The following AGAP2 variants were observed in gnomAD, a reference collection of about 807,000 sequenced individuals.
AGAP2 encodes the protein arf-GAP with GTPase, ANK repeat and PH domain-containing protein 2.
In AGAP2, 32 loss-of-function variants were observed where a neutral mutation model predicts 110.9. That is an observed-to-expected ratio of 0.29 (90% confidence interval 0.22 to 0.39). The LOEUF (loss-of-function observed/expected upper bound fraction) is 0.39. Ranked by LOEUF, AGAP2 falls within the 10% of genes least tolerant of loss-of-function variation. The pLI is 1.00. For missense variants in AGAP2, 1,285 were observed against 1,638.5 expected (o/e 0.78, Z 3.72); for synonymous variants, 702 against 713.0 (o/e 0.98, Z 0.25).
chr12:57,728,237 G>C (rs373370235), intron 14 of AGAP2, 81 bp downstream of exon 14: 1 of 1,548,628 alleles, frequency 6.5e-7, no homozygotes, highest in Admixed American at 1.8e-5. Context: ...CAGGAAGCCC[G>C]AGCACATGCA....
In AGAP2 at chr12:57,732,880, G is replaced by C; in HGVS notation, c.1649C>G (p.Thr550Ser). 1 of 1,614,032 alleles carries C rather than the reference G, an allele frequency of 6.2e-7. No individual in the cohort carries two copies. The highest frequency in any genetic ancestry group is 8.5e-7 in the Non-Finnish European group (1 of 1,180,036). Reference sequence around the variant, plus strand: ...GACCCGATCCACATTGAGCCCATAGGTTGCACAAGTCTCATAGTAGCTGCA... The same window carrying C: ...GACCCGATCCACATTGAGCCCATAGCTTGCACAAGTCTCATAGTAGCTGCA... ...KRCSYYETCA[T>S]YGLNVDRVFQ... Residue 550 changes from threonine to serine, a missense_variant, in exon 6 of 19, where the codon ACC (threonine) becomes AGC (serine). Coordinates refer to ENST00000547588, the MANE Select transcript of AGAP2 (RefSeq NM_001122772.3).
At chr12:57,741,961 G>A (rs140678266), upstream of AGAP2, 74 of 1,614,000 alleles carry the variant, frequency 4.6e-5, no homozygotes, top group Middle Eastern at 1.6e-4. Flanking sequence ...GTTCGGGGTC[G>A]TCCACCCTCT....
chr12:57,738,261 C>T lies in AGAP2; in HGVS notation c.-15G>A, dbSNP rs1955029693. 3 of 1,500,670 alleles carry T rather than the reference C, an allele frequency of 2.0e-6. No homozygotes were observed. The highest frequency in any genetic ancestry group is 2.7e-6 in the Non-Finnish European group (3 of 1,129,960). The allele number at this position is 1,500,670 out of a possible 1,614,324, so 93.0% of individuals were successfully genotyped here. The stretch of plus-strand genomic sequence containing the variant: ...CCCCGGCTCATGGGGCCCGGAGACC[C>T]CCGAGCTGGGGAGGGGAGGGGACTC... On this transcript the variant is annotated 5_prime_UTR_variant, in exon 1 of 19. Transcript: ENST00000547588. The surrounding 1 kb of genome is among the most constrained non-coding windows in gnomAD (Gnocchi z 6.7).
chr12:57,727,787 G>C lies in AGAP2; in HGVS notation c.2767-16C>G. On this transcript the variant is annotated splice_polypyrimidine_tract_variant and intron_variant, in intron 15 of 18. Coordinates refer to ENST00000547588, the MANE Select transcript of AGAP2 (RefSeq NM_001122772.3). ...CTGTGCGCAGCTGCAGAGAGGGTTT[G>C]GGTTGGCACTGACTCTGCCTCCAAG... is the stretch of plus-strand genomic sequence containing the variant. 6.3e-7 allele frequency: 1 copy of C among 1,574,842 alleles called. No individual in the cohort carries two copies. The highest frequency in any genetic ancestry group is 1.2e-5 in the South Asian group (1 of 83,850).
chr12:57,728,789 G>A (rs1445528226), intron 13 of AGAP2, among the ~76,000 whole-genome samples: 1 of 152,078 alleles, frequency 6.6e-6, no homozygotes, highest in Non-Finnish European at 1.5e-5. Flanking sequence ...GGCGGTGGGG[G>A]TGCGGGGAAT....
rs767947827 is a variant in AGAP2, at chr12:57,737,179, T to C, written c.1068A>G (p.Thr356=). Residue 356 remains threonine, a synonymous_variant, in exon 1 of 19, where the codon ACA becomes ACG. Coordinates refer to ENST00000547588, the MANE Select transcript of AGAP2 (RefSeq NM_001122772.3). The surrounding 1 kb of genome is among the most constrained non-coding windows in gnomAD (Gnocchi z 5.9). ...KFISGIFTKS[T]GGPPGSGPLP... Reference sequence around the variant, plus strand: ...GGGGCCCGGAGCCAGGAGGCCCTCCTGTGCTCTTGGTGAAGATGCCGCTGA... The same window carrying C: ...GGGGCCCGGAGCCAGGAGGCCCTCCCGTGCTCTTGGTGAAGATGCCGCTGA... The C allele has an allele frequency of 1.3e-6, 2 of 1,588,348 alleles. No homozygotes were observed. Among genetic ancestry groups the C allele is most frequent in the South Asian group, 1.1e-5 (1 of 88,068 alleles).
At chr12:57,732,341 T>C (rs1954901583) in intron 7 of AGAP2, 62 bp downstream of exon 7, 5 of 1,468,176 alleles carry the variant, frequency 3.4e-6, no homozygotes, top group Non-Finnish European at 9.3e-7. Flanking sequence ...GTACCTGTCC[T>C]AGGATCCCCA....
At chr12:57,727,300 A>T in intron 17 of AGAP2, 60 bp downstream of exon 17, 1 of 1,609,488 alleles carries the variant, frequency 6.2e-7, no homozygotes, top group Non-Finnish European at 8.5e-7. Context: ...TACCCACGGG[A>T]CCGTCTCAGG....
intron 3 of AGAP2, 60 bp from the exon 4 acceptor site, chr12:57,734,464 A>G: frequency 1.3e-6 from 2 of 1,596,046 alleles, no homozygotes; most frequent in East Asian, 4.5e-5. Context: ...AAACCTCCCC[A>G]TGCTCCCAGT....
rs1954813831 is a variant in AGAP2 at position 57,728,298 on chromosome 12, C to T, written c.2617+20G>A. On this transcript the variant is annotated intron_variant, in intron 14 of 18. Transcript: ENST00000547588. ...TTCTGCACCCCAGCTGAGCGCCCCT[C>T]CCGGCTCCCCACTTGTTACCTGCTT... The T allele has an allele frequency of 6.2e-7, 1 of 1,613,268 alleles. No individual in the cohort carries two copies. Among genetic ancestry groups the T allele is most frequent in the South Asian group, 1.1e-5 (1 of 91,016 alleles).
At chr12:57,736,024 G>C (rs1371619324) in intron 1 of AGAP2, among the ~76,000 whole-genome samples, 1 of 152,196 alleles carries the variant, frequency 6.6e-6, no homozygotes, top group Non-Finnish European at 1.5e-5. Context: ...CCCTCCAAAA[G>C]AACTGTGGGG....
chr12:57,739,028 C>A (rs953844937), upstream of AGAP2, among the ~76,000 whole-genome samples: 1 of 150,352 alleles, frequency 6.7e-6, no homozygotes, highest in East Asian at 2.0e-4. Flanking sequence ...CCACCAGCAC[C>A]GATGTCTGCG....
Position 57,737,431 on chromosome 12 carries a change from C to G in AGAP2, c.816G>C (p.Lys272Asn). ...AGTCACTGTTGTCCAAGGTCTTACT[C>G]TTGCCTTTCCGAGGGGACAACTTCC... is the stretch of plus-strand genomic sequence containing the variant. ...ARGKLSPRKG[K>N]SKTLDNSDLH... The change falls in exon 1 of 19, where the codon AAG (lysine) becomes AAC (asparagine). Residue 272 changes from lysine to asparagine, a missense_variant. By Grantham distance (94) the Lys-to-Asn change is moderately conservative. Coordinates refer to ENST00000547588, the MANE Select transcript of AGAP2 (RefSeq NM_001122772.3). The surrounding 1 kb of genome is among the most constrained non-coding windows in gnomAD (Gnocchi z 5.9). The G allele has an allele frequency of 6.2e-7, 1 of 1,613,742 alleles. No homozygotes were observed. Among genetic ancestry groups the G allele is most frequent in the Non-Finnish European group, 8.5e-7 (1 of 1,179,804 alleles).
In AGAP2 at chr12:57,730,972, G is replaced by C; in HGVS notation, c.2146-19C>G. On this transcript the variant is annotated intron_variant, in intron 10 of 18. Coordinates refer to ENST00000547588, the MANE Select transcript of AGAP2 (RefSeq NM_001122772.3). ...TGTAATCCTGGAGGGGTACAGGGCCGAGAGTGTAGGGAAGGTTGGGGTCCT... is the reference window on the plus strand; with the variant it reads ...TGTAATCCTGGAGGGGTACAGGGCCCAGAGTGTAGGGAAGGTTGGGGTCCT... The C allele has an allele frequency of 1.3e-6, 2 of 1,503,104 alleles. No homozygotes were observed. The highest frequency in any genetic ancestry group is 2.6e-5 in the South Asian group (2 of 76,424). The allele number at this position is 1,503,104 out of a possible 1,614,324, so 93.1% of individuals were successfully genotyped here.
rs1285924877 is a variant in AGAP2, at chr12:57,726,766, G to A, written c.3365C>T (p.Ala1122Val). ...GTAGAACAGCGCCGTGCGGCCCTGG[G>A]CGTCACGGGCCGCCACGTCCGCGCC... ...WYGADVAARD[A>V]QGRTALFYAR... The change falls in exon 19 of 19, where the codon GCC (alanine) becomes GTC (valine). Residue 1122 changes from alanine (A) to valine (V), a missense_variant. By Grantham distance (64) the Ala-to-Val change is moderately conservative (BLOSUM62 0). Coordinates refer to ENST00000547588, the MANE Select transcript of AGAP2 (RefSeq NM_001122772.3). The surrounding 1 kb of genome is among the most constrained non-coding windows in gnomAD (Gnocchi z 5.7). 1.5e-6 allele frequency: 2 copies of A among 1,355,884 alleles called. No homozygotes were observed. Among genetic ancestry groups the A allele is most frequent in the Admixed American group, 3.8e-5 (1 of 26,662 alleles). 84.0% of individuals were successfully genotyped at this position (1,355,884 alleles called of 1,614,324 possible).
chr12:57,726,672 G>A lies in AGAP2; in HGVS notation c.3459C>T (p.Gly1153=). 1 of 1,218,960 alleles carries A rather than the reference G, an allele frequency of 8.2e-7. No homozygotes were observed. The allele number at this position is 1,218,960 out of a possible 1,614,324, so 75.5% of individuals were successfully genotyped here. The part of the protein sequence containing the change: ...LLQHGCPGEG[G]SAATTPSAAT... ...CCGCGCTGGGCGTGGTGGCCGCGCT[G>A]CCGCCCTCACCCGGGCAGCCGTGCT... The change falls in exon 19 of 19, where the codon GGC becomes GGT. Residue 1153 remains glycine (G), a synonymous_variant. Transcript: ENST00000547588. The surrounding 1 kb of genome is among the most constrained non-coding windows in gnomAD (Gnocchi z 5.7).
rs1209028140 is a variant in AGAP2, at chr12:57,726,734, G to T, written c.3397C>A (p.Gln1133Lys). 8 of 1,274,498 alleles carry T rather than the reference G, an allele frequency of 6.3e-6. No homozygotes were observed. The highest frequency in any genetic ancestry group is 7.9e-6 in the Non-Finnish European group (8 of 1,011,066). 78.9% of individuals were successfully genotyped at this position (1,274,498 alleles called of 1,614,324 possible). A position where few individuals can be genotyped will look rare whatever the true frequency, so the allele number is the denominator to read the frequency against. ...QGRTALFYAR[Q>K]AGSQLCADIL... is the part of the protein sequence containing the mutation. ...TCGGCGCACAGCTGGCTTCCAGCCTGGCGGGCGTAGAACAGCGCCGTGCGG... is the reference window on the plus strand; with the variant it reads ...TCGGCGCACAGCTGGCTTCCAGCCTTGCGGGCGTAGAACAGCGCCGTGCGG... The change falls in exon 19 of 19, where the codon CAG (glutamine) becomes AAG (lysine). Residue 1133 changes from glutamine to lysine, a missense_variant. Transcript: ENST00000547588. This position sits in a 1 kb window ranked among gnomAD's most constrained non-coding sequence, Gnocchi z 5.7.
chr12:57,730,455 G>T lies in AGAP2; in HGVS notation c.2428+40C>A, dbSNP rs147975509. ...TTCATTTCCCACACTCATCCTATTT[G>T]GGTGTGGAAGACAGCAGATGGAAGG... On this transcript the variant is annotated intron_variant, in intron 12 of 18. Coordinates refer to ENST00000547588, the MANE Select transcript of AGAP2 (RefSeq NM_001122772.3). 1.7e-5 allele frequency: 27 copies of T among 1,610,170 alleles called. No homozygotes were observed. In the East Asian group the frequency reaches 6.0e-4, roughly 36 times the overall value.
At chr12:57,732,372 C>A (rs1441565589) in intron 7 of AGAP2, 31 bp downstream of exon 7, 4 of 1,550,080 alleles carry the variant, frequency 2.6e-6, no homozygotes, top group Non-Finnish European at 3.5e-6. Flanking sequence ...ATCTTACCGG[C>A]CCCTCTGCAG....
Sources: gnomAD v4.1 joint callset for allele counts (sites outside exome capture counted in the v4.1 genomes callset) on GRCh38, gnomAD v4.1.1 for gene constraint, Gnocchi (gnomAD v3.1) non-coding constraint, MANE v1.5 for transcripts, NCBI Gene and HGNC (gene_info 2026-07-23, HGNC 2026-07-21) for gene names.